Variants in CADPS observed in about 807,000 individuals in gnomAD.
CADPS encodes calcium-dependent secretion activator 1.
In CADPS, 57 loss-of-function variants were observed where a neutral mutation model predicts 167.3. That is an observed-to-expected ratio of 0.34 (90% confidence interval 0.28 to 0.42). The LOEUF is 0.42. CADPS is among the 20% of genes least tolerant of loss of function. CADPS has a pLI of 1.00. For missense variants in CADPS, 1,414 were observed against 1,738.1 expected, an observed-to-expected ratio of 0.81 and a Z score of 3.32; for synonymous variants, 676 against 635.3, an observed-to-expected ratio of 1.06 and a Z score of -0.96.
In CADPS at chr3:62,544,770, G is replaced by C. The variant is rs991428590; in HGVS notation, c.1966+5133C>G. 57 of 672,292 alleles carry C rather than the reference G, an allele frequency of 8.5e-5. No homozygotes were observed. The African/African-American group carries it at 1.1e-3, about 12-fold the overall frequency. The allele number at this position is 672,292 out of a possible 1,614,324, so 41.6% of individuals were successfully genotyped here. A position where few individuals can be genotyped will look rare whatever the true frequency, so the allele number is the denominator to read the frequency against. ...ATTCTAGACATGAGGAAGATTTAAG[G>C]GGGAGGGAAGCACATTGCAGGTGTC... is the stretch of plus-strand genomic sequence containing the variant. On this transcript the variant is annotated intron_variant, in intron 11 of 29. Coordinates refer to ENST00000383710, the MANE Select transcript of CADPS (RefSeq NM_003716.4). The surrounding 1 kb of genome is among the most constrained non-coding windows in gnomAD (Gnocchi z 4.4).
intron 3 of CADPS, among the ~76,000 whole-genome samples, chr3:62,691,301 C>T (rs913715547): frequency 2.2e-4 from 33 of 151,820 alleles, no homozygotes; most frequent in South Asian, 8.3e-4. Flanking sequence ...AAACCAAGAG[C>T]GAACCCTAAT....
intron 6 of CADPS, among the ~76,000 whole-genome samples, chr3:62,636,422 A>G (rs2668229): frequency 0.98 from 149,184 of 152,242 alleles, 73,155 homozygotes; most frequent in Middle Eastern, 1. Flanking sequence ...CATCTAAACT[A>G]GCAGCTACGG....
At chr3:62,636,189 T>G (rs553597007) in intron 6 of CADPS, among the ~76,000 whole-genome samples, 2 of 152,234 alleles carry the variant, frequency 1.3e-5, no homozygotes, top group Non-Finnish European at 2.9e-5. Flanking sequence ...GTATCATCAG[T>G]ATTATTTTGT....
chr3:62,431,703 A>G (rs1420614688), intron 28 of CADPS, among the ~76,000 whole-genome samples: 1 of 151,974 alleles, frequency 6.6e-6, no homozygotes, highest in Non-Finnish European at 1.5e-5. Flanking sequence ...CCTGCATCAA[A>G]TCCTGGTTTG....
chr3:62,700,502 A>T (rs2081194512), intron 3 of CADPS, among the ~76,000 whole-genome samples: 1 of 152,082 alleles, frequency 6.6e-6, no homozygotes. Context: ...GTCTTAACAA[A>T]ATCCCTAATA....
intron 2 of CADPS, among the ~76,000 whole-genome samples, chr3:62,759,233 A>G (rs549862199): frequency 5.3e-5 from 8 of 152,178 alleles, no homozygotes; most frequent in Non-Finnish European, 1.2e-4. Flanking sequence ...GATGGGAGTT[A>G]TAACAACCTT....
At chr3:62,814,429 AAAG>A (rs1281614158) in intron 1 of CADPS, 1 of 152,212 alleles carries the variant, frequency 6.6e-6, no homozygotes, top group Non-Finnish European at 1.5e-5. Context: ...GAAAGATTAC[AAAG>A]AAGATTAACA....
chr3:62,799,425 G>C (rs755950672), intron 1 of CADPS, among the ~76,000 whole-genome samples: 1 of 152,060 alleles, frequency 6.6e-6, no homozygotes, highest in Non-Finnish European at 1.5e-5. Flanking sequence ...ACTCTTCCTT[G>C]ATATCTTGGT....
chr3:62,435,266 A>T (rs546402303), intron 28 of CADPS, among the ~76,000 whole-genome samples: 1 of 152,314 alleles, frequency 6.6e-6, no homozygotes, highest in East Asian at 1.9e-4. Flanking sequence ...GGCAGCTTTC[A>T]CAGACCCTTC....
Position 62,765,934 on chromosome 3 carries a change from G to A in CADPS, c.492C>T (p.Leu164=). ...QTVKDRFQAF[L]NGETQIMADE... Reference sequence around the variant, plus strand: ...CAGCCATGATCTGGGTTTCCCCATTGAGGAAAGCCTGAAACCGGTCCTTGA... The same window carrying A: ...CAGCCATGATCTGGGTTTCCCCATTAAGGAAAGCCTGAAACCGGTCCTTGA... Residue 164 remains leucine, a synonymous_variant, in exon 2 of 30, where the codon CTC becomes CTT. Transcript: ENST00000383710. The A allele has an allele frequency of 3.1e-6, 5 of 1,613,596 alleles. No homozygotes were observed. The highest frequency in any genetic ancestry group is 4.2e-6 in the Non-Finnish European group (5 of 1,179,618).
At chr3:62,852,315 T>G (rs1320620773) in intron 1 of CADPS, among the ~76,000 whole-genome samples, 2 of 152,144 alleles carry the variant, frequency 1.3e-5, no homozygotes, top group Non-Finnish European at 2.9e-5. Flanking sequence ...CCGTTGCTGG[T>G]GAGGAACTGC....
At chr3:62,504,198 GA>G (rs1259546433) in intron 17 of CADPS, among the ~76,000 whole-genome samples, 4 of 152,032 alleles carry the variant, frequency 2.6e-5, no homozygotes, top group Admixed American at 6.5e-5. Context: ...AATTGTTTGG[GA>G]AAAAAATGTG....
Position 62,672,919 on chromosome 3 carries a change from G to A in CADPS, c.889-10525C>T, listed in dbSNP as rs142385621. 6.7e-3 allele frequency among the ~76,000 whole-genome samples: 1,027 copies of A among 152,250 alleles called. 9 individuals carry two copies. The highest frequency in any genetic ancestry group is 0.012 in the Non-Finnish European group (794 of 68,014). ...TGTGAGCCACTGCACCTGGCCCTCT[G>A]TCATCTTTGTCTGGTTAACAGTAAA... On this transcript the variant is annotated intron_variant, in intron 3 of 29. Transcript: ENST00000383710.
chr3:62,854,624 G>A (rs2079291748), intron 1 of CADPS, among the ~76,000 whole-genome samples: 2 of 152,132 alleles, frequency 1.3e-5, no homozygotes, highest in Non-Finnish European at 2.9e-5. Context: ...AAAAATCTAG[G>A]TTGCAAAAGA....
At chr3:62,492,884 A>G (rs1229781815) in intron 19 of CADPS, among the ~76,000 whole-genome samples, 1 of 151,994 alleles carries the variant, frequency 6.6e-6, no homozygotes, top group Non-Finnish European at 1.5e-5. Flanking sequence ...TTATATCTAC[A>G]TATCTGGGGC....
chr3:62,526,625 T>TTAA (rs1320891932), intron 13 of CADPS, among the ~76,000 whole-genome samples: 14 of 152,318 alleles, frequency 9.2e-5, no homozygotes, highest in Admixed American at 9.2e-4. Flanking sequence ...CCTTAGAAGC[T>TTAA]GATTTAAAAA....
chr3:62,635,390 T>C (rs965414717), intron 6 of CADPS, among the ~76,000 whole-genome samples: 1 of 152,134 alleles, frequency 6.6e-6, no homozygotes, highest in Non-Finnish European at 1.5e-5. Flanking sequence ...AAGAGCCCTC[T>C]TTTCATTCCT....
intron 16 of CADPS, among the ~76,000 whole-genome samples, chr3:62,513,426 T>C (rs2068293197): frequency 6.6e-6 from 1 of 151,962 alleles, no homozygotes; most frequent in South Asian, 2.1e-4. Context: ...TCTGAGTTTA[T>C]CACAAACAAA....
chr3:62,710,192 G>A (rs17066966), intron 3 of CADPS, among the ~76,000 whole-genome samples: 13,025 of 151,628 alleles, frequency 0.086, 669 homozygotes, highest in South Asian at 0.16. Context: ...TGAAATCTCC[G>A]TGAACTTGTT....
Sources: gnomAD v4.1 joint callset for allele counts (sites outside exome capture counted in the v4.1 genomes callset) on GRCh38, gnomAD v4.1.1 for gene constraint, Gnocchi (gnomAD v3.1) non-coding constraint, MANE v1.5 for transcripts, NCBI Gene and HGNC (gene_info 2026-07-23, HGNC 2026-07-21) for gene names.